GALNT13: variants seen among roughly 807,000 people sequenced by gnomAD.
GALNT13 encodes UDP-GalNAc:polypeptide N-acetylgalactosaminyltransferase 13.
GALNT13 carries 28 observed loss-of-function variants against 64.2 expected under a neutral mutation model. The observed-to-expected ratio is 0.44, with a 90% CI of 0.32 to 0.60. The LOEUF (loss-of-function observed/expected upper bound fraction) is 0.60. Ranked by LOEUF, GALNT13 falls within the 20% of genes least tolerant of loss-of-function variation. GALNT13 has a pLI of 0.05. For missense variants in GALNT13, 577 were observed against 669.8 expected, an observed-to-expected ratio of 0.86 and a Z score of 1.53; for synonymous variants, 214 against 224.6, an observed-to-expected ratio of 0.95 and a Z score of 0.42.
At chr2:153,874,004 T>C (rs184265802) in intron 1 of GALNT13, among the ~76,000 whole-genome samples, 1 of 152,064 alleles carries the variant, frequency 6.6e-6, no homozygotes, top group Non-Finnish European at 1.5e-5. Flanking sequence ...GGGATAATTC[T>C]CCTTGTATTA....
At chr2:153,196,528 G>A in the GALNT13 span, among the ~76,000 whole-genome samples, 53 of 152,208 alleles carry the variant, frequency 3.5e-4, no homozygotes, top group East Asian at 8.8e-3. Flanking sequence ...GGGGGCAAAG[G>A]GCCCTTCCTG....
chr2:153,287,181 G>A, the GALNT13 span, among the ~76,000 whole-genome samples: 98 of 152,304 alleles, frequency 6.4e-4, no homozygotes, highest in South Asian at 1.9e-3. Context: ...CGCGATGGGG[G>A]TGTGGCTCAT....
At chr2:153,860,892 T>C in the GALNT13 span, among the ~76,000 whole-genome samples, 2 of 152,164 alleles carry the variant, frequency 1.3e-5, no homozygotes, top group Non-Finnish European at 2.9e-5. Flanking sequence ...AGTAATTAGG[T>C]CTAGGAGCAG....
At chr2:153,760,339 T>G in the GALNT13 span, among the ~76,000 whole-genome samples, 7 of 151,932 alleles carry the variant, frequency 4.6e-5, no homozygotes, top group Admixed American at 3.9e-4. Context: ...TTTTTCTTCT[T>G]TTTTCTTTTA....
chr2:153,336,939 G>A, the GALNT13 span, among the ~76,000 whole-genome samples: 1 of 152,184 alleles, frequency 6.6e-6, no homozygotes, highest in East Asian at 1.9e-4. Flanking sequence ...AGTCTCATGA[G>A]ATCTGATGGG....
At chr2:153,345,675 CTTTCTTTCTT>C in the GALNT13 span, among the ~76,000 whole-genome samples, 6 of 140,018 alleles carry the variant, frequency 4.3e-5, no homozygotes, top group East Asian at 1.3e-3. Context: ...TTCTTTCTTT[CTTTCTTTCTT>C]TCTTTCTTTC....
At chr2:153,740,751 T>C in the GALNT13 span, among the ~76,000 whole-genome samples, 17 of 152,150 alleles carry the variant, frequency 1.1e-4, no homozygotes, top group Non-Finnish European at 5.9e-5. Flanking sequence ...GATTTTTGGG[T>C]GACAGCTCAA....
At chr2:153,319,825 A>T in the GALNT13 span, among the ~76,000 whole-genome samples, 1 of 152,180 alleles carries the variant, frequency 6.6e-6, no homozygotes, top group African/African-American at 2.4e-5. Context: ...AAAGCATACT[A>T]ACTTTCATGG....
chr2:154,014,429 A>G (rs562433392), intron 3 of GALNT13, among the ~76,000 whole-genome samples: 20 of 151,970 alleles, frequency 1.3e-4, no homozygotes, highest in African/African-American at 4.8e-4. Context: ...AGCCCCATGC[A>G]GGATTTCCAG....
chr2:154,425,947 G>A (rs1036212145), intron 11 of GALNT13, among the ~76,000 whole-genome samples: 5 of 152,140 alleles, frequency 3.3e-5, no homozygotes, highest in Admixed American at 6.5e-5. Flanking sequence ...TGATGGTCCC[G>A]TATTAGTTTT....
the GALNT13 span, among the ~76,000 whole-genome samples, chr2:153,112,261 G>T: frequency 6.6e-6 from 1 of 152,060 alleles, no homozygotes; most frequent in Non-Finnish European, 1.5e-5. Context: ...TCTTTTGAAA[G>T]TCAGCTGCCT....
the GALNT13 span, among the ~76,000 whole-genome samples, chr2:153,345,703 C>CCG: frequency 4.1e-4 from 27 of 65,792 alleles, 2 homozygotes; most frequent in East Asian, 6.0e-3. Flanking sequence ...TTCTTTCTTT[C>CCG]TCTTTCTCTC....
At chr2:153,373,676 T>A in the GALNT13 span, among the ~76,000 whole-genome samples, 13 of 152,112 alleles carry the variant, frequency 8.5e-5, no homozygotes, top group Non-Finnish European at 1.2e-4. Context: ...CCACCATTCA[T>A]CTTCAGAATA....
chr2:154,435,401 C>A (rs1700913516), intron 11 of GALNT13, among the ~76,000 whole-genome samples: 1 of 152,084 alleles, frequency 6.6e-6, no homozygotes, highest in African/African-American at 2.4e-5. Flanking sequence ...ACAGGCTGGG[C>A]CTTACACATA....
At chr2:153,100,038 C>A in the GALNT13 span, among the ~76,000 whole-genome samples, 1 of 152,156 alleles carries the variant, frequency 6.6e-6, no homozygotes, top group Non-Finnish European at 1.5e-5. Context: ...ATATGATCCT[C>A]ATTTAGTGCA....
the GALNT13 span, among the ~76,000 whole-genome samples, chr2:153,180,229 A>G: frequency 6.6e-6 from 1 of 152,106 alleles, no homozygotes; most frequent in Admixed American, 6.6e-5. Flanking sequence ...GAAAGTTTTT[A>G]TCATTAAAGA....
At chr2:153,188,286 C>G in the GALNT13 span, among the ~76,000 whole-genome samples, 2 of 151,576 alleles carry the variant, frequency 1.3e-5, no homozygotes, top group Non-Finnish European at 2.9e-5. Flanking sequence ...GAATCTAAAT[C>G]ATCTCTTTTA....
At chr2:153,708,378 G>A in the GALNT13 span, among the ~76,000 whole-genome samples, 1 of 152,092 alleles carries the variant, frequency 6.6e-6, no homozygotes, top group Non-Finnish European at 1.5e-5. Context: ...ATGACAGGGT[G>A]TAAAATAAAA....
At chr2:153,154,352 A>G in the GALNT13 span, among the ~76,000 whole-genome samples, 1 of 152,190 alleles carries the variant, frequency 6.6e-6, no homozygotes, top group Admixed American at 6.5e-5. Flanking sequence ...CACCATGATT[A>G]TAAGTCCTCC....
Sources: gnomAD v4.1 joint callset for allele counts (sites outside exome capture counted in the v4.1 genomes callset) on GRCh38, gnomAD v4.1.1 for gene constraint, MANE v1.5 for transcripts, NCBI Gene and HGNC (gene_info 2026-07-23, HGNC 2026-07-21) for gene names.